Variants in PDIA5 observed in about 807,000 individuals in gnomAD.
PDIA5 encodes protein disulfide-isomerase A5.
A neutral mutation model predicts 77.6 loss-of-function variants in PDIA5; 58 were observed. The ratio of observed to expected loss-of-function variants is 0.75; its 90% CI spans 0.61 to 0.93. The LOEUF (loss-of-function observed/expected upper bound fraction) is 0.93. PDIA5 is among the 40% of genes least tolerant of loss of function. The pLI, the probability that PDIA5 is intolerant of heterozygous loss-of-function variation, is 0.00. For missense variants in PDIA5, 630 were observed against 647.7 expected, an observed-to-expected ratio of 0.97 and a Z score of 0.30; for synonymous variants, 250 against 252.1, an observed-to-expected ratio of 0.99 and a Z score of 0.08.
chr3:123,116,420 G>A (rs1344325257), intron 8 of PDIA5, 122 bp downstream of exon 8: 6 of 741,036 alleles, frequency 8.1e-6, no homozygotes, highest in Non-Finnish European at 1.4e-5. Flanking sequence ...TGCTGCCTGG[G>A]CCGTTGCTGA....
intron 11 of PDIA5, among the ~76,000 whole-genome samples, chr3:123,138,118 T>C (rs910529129): frequency 1.3e-5 from 2 of 152,004 alleles, no homozygotes; most frequent in African/African-American, 4.8e-5. Flanking sequence ...GCTAATTTTT[T>C]AAATTTTTAT....
chr3:123,158,175 A>G (rs1362932401), intron 15 of PDIA5, among the ~76,000 whole-genome samples: 1 of 152,238 alleles, frequency 6.6e-6, no homozygotes, highest in Non-Finnish European at 1.5e-5. Context: ...GAACAATATA[A>G]CATATTTGAT....
chr3:123,120,179 T>G (rs1935077543), intron 8 of PDIA5, among the ~76,000 whole-genome samples: 1 of 152,206 alleles, frequency 6.6e-6, no homozygotes, highest in Non-Finnish European at 1.5e-5. Context: ...TTGGTGGACC[T>G]CGGCCATGAT....
At chr3:123,156,605 A>G (rs1348675649) in intron 15 of PDIA5, among the ~76,000 whole-genome samples, 5 of 152,172 alleles carry the variant, frequency 3.3e-5, no homozygotes, top group Non-Finnish European at 4.4e-5. Context: ...GCCACCCAGA[A>G]TGCTGGGTGC....
intron 11 of PDIA5, among the ~76,000 whole-genome samples, chr3:123,143,386 CAAAAA>C (rs34525470): frequency 9.8e-6 from 1 of 101,922 alleles, no homozygotes; most frequent in Non-Finnish European, 2.0e-5. Context: ...GACTCCATCT[CAAAAA>C]AAAAAAAAAA....
At chr3:123,073,355 C>T (rs1305218669) in intron 1 of PDIA5, among the ~76,000 whole-genome samples, 1 of 152,166 alleles carries the variant, frequency 6.6e-6, no homozygotes, top group Non-Finnish European at 1.5e-5. Flanking sequence ...TCAGAGTTCT[C>T]AGTGCCTGGC....
At chr3:123,080,155 T>TG (rs1402231894) in intron 1 of PDIA5, among the ~76,000 whole-genome samples, 13 of 150,772 alleles carry the variant, frequency 8.6e-5, no homozygotes, top group Non-Finnish European at 1.6e-4. Flanking sequence ...TGGGTGTGTG[T>TG]GTGGGGGGGA....
chr3:123,072,912 C>CTGTGTGTGTGTGTG lies in PDIA5; in HGVS notation c.42+5724_42+5737dup, dbSNP rs66567660. ...GTTTATTTGCCCCCTACCTCTCCTT[C>CTGTGTGTGTGTGTG]TGTGTGTGTGTGTGTGTGTGTGTGT... On this transcript the variant is annotated intron_variant, in intron 1 of 16. Transcript: ENST00000316218. Among the ~76,000 whole-genome samples the CTGTGTGTGTGTGTG allele has an allele frequency of 6.9e-3, 1,008 of 146,916 alleles. 9 individuals are homozygous for CTGTGTGTGTGTGTG. The highest frequency in any genetic ancestry group is 0.014 in the Middle Eastern group (4 of 292).
intron 3 of PDIA5, among the ~76,000 whole-genome samples, chr3:123,099,320 A>G (rs1379265448): frequency 6.6e-6 from 1 of 152,238 alleles, no homozygotes; most frequent in Non-Finnish European, 1.5e-5. Context: ...ACTGTGTGCC[A>G]GCTGCTGTTG....
intron 2 of PDIA5, 112 bp from the exon 3 acceptor site, chr3:123,092,243 C>T: frequency 1.2e-6 from 1 of 800,294 alleles, no homozygotes; most frequent in Non-Finnish European, 2.1e-6. Context: ...CTCAGGACTT[C>T]TCCACCCCCT....
At chr3:123,155,557 C>G (rs1201719169) in intron 15 of PDIA5, among the ~76,000 whole-genome samples, 1 of 152,196 alleles carries the variant, frequency 6.6e-6, no homozygotes, top group Non-Finnish European at 1.5e-5. Context: ...CCCCCAGGCA[C>G]ATCCCCCAGG....
chr3:123,084,789 T>G (rs1470839384), intron 1 of PDIA5, among the ~76,000 whole-genome samples: 1 of 152,182 alleles, frequency 6.6e-6, no homozygotes, highest in Non-Finnish European at 1.5e-5. Flanking sequence ...TTGTTGTTTT[T>G]CCCTCTGAGG....
intron 11 of PDIA5, among the ~76,000 whole-genome samples, chr3:123,136,003 T>C (rs1469409319): frequency 6.6e-6 from 1 of 152,034 alleles, no homozygotes; most frequent in Non-Finnish European, 1.5e-5. Context: ...ACTATGTTGC[T>C]CAGGCTGGCC....
intron 3 of PDIA5, among the ~76,000 whole-genome samples, chr3:123,100,735 G>A (rs1174294365): frequency 6.6e-6 from 1 of 152,216 alleles, no homozygotes; most frequent in South Asian, 2.1e-4. Flanking sequence ...TTAAAATGAG[G>A]TCCTTCGTTT....
chr3:123,116,373 T>A, intron 8 of PDIA5, 75 bp downstream of exon 8: 2 of 1,044,852 alleles, frequency 1.9e-6, no homozygotes, highest in Non-Finnish European at 3.0e-6. Flanking sequence ...AGGGGTGGGG[T>A]GGGGACAGGT....
chr3:123,156,055 A>T (rs555174654), intron 15 of PDIA5, among the ~76,000 whole-genome samples: 1 of 152,244 alleles, frequency 6.6e-6, no homozygotes, highest in South Asian at 2.1e-4. Flanking sequence ...TGAAGTTTTG[A>T]TCAAGGCCAA....
intron 1 of PDIA5, among the ~76,000 whole-genome samples, chr3:123,083,534 C>A (rs77019811): frequency 0.01 from 1,531 of 152,190 alleles, 27 homozygotes; most frequent in African/African-American, 0.035. Flanking sequence ...CAAAGGGGAT[C>A]TTTTTTCTCT....
At chr3:123,115,216 C>T (rs1333101357) in intron 7 of PDIA5, among the ~76,000 whole-genome samples, 1 of 152,112 alleles carries the variant, frequency 6.6e-6, no homozygotes, top group Non-Finnish European at 1.5e-5. Flanking sequence ...GAGAGGCAGT[C>T]GGAAAGGGTA....
chr3:123,136,847 G>A lies in PDIA5; in HGVS notation c.910+6231G>A, dbSNP rs115599802. Among the ~76,000 whole-genome samples the A allele has an allele frequency of 2.4e-3, 359 of 151,572 alleles. 2 individuals carry two copies. Among genetic ancestry groups the A allele is most frequent in the Admixed American group, 3.9e-3 (59 of 15,216 alleles). On this transcript the variant is annotated intron_variant, in intron 11 of 16. Coordinates refer to ENST00000316218, the MANE Select transcript of PDIA5 (RefSeq NM_006810.4). The stretch of plus-strand genomic sequence containing the variant: ...TTTTTTTAACTTGTCAATAGGTCTC[G>A]AAGATATTTTCATGTAAATGTAGAT...
Sources: gnomAD v4.1 joint callset for allele counts (sites outside exome capture counted in the v4.1 genomes callset) on GRCh38, gnomAD v4.1.1 for gene constraint, MANE v1.5 for transcripts, NCBI Gene and HGNC (gene_info 2026-07-23, HGNC 2026-07-21) for gene names.